OR51B5: variants seen among roughly 807,000 people sequenced by gnomAD.
The protein encoded by OR51B5 is olfactory receptor 51B5.
For missense variants in OR51B5, 456 were observed against 374.6 expected (o/e 1.22, Z -1.79); for synonymous variants, 186 against 144.8 (o/e 1.28, Z -2.04).
chr11:5,369,929 A>AT (rs1477336203), intron 1 of OR51B5, among the ~76,000 whole-genome samples: 1 of 152,136 alleles, frequency 6.6e-6, no homozygotes, highest in Non-Finnish European at 1.5e-5. Context: ...AAGGGAAGAC[A>AT]TTTTCTCAGG....
At chr11:5,468,937 G>T (rs1232207054) in intron 1 of OR51B5, 5 of 354,396 alleles carry the variant, frequency 1.4e-5, no homozygotes, top group Non-Finnish European at 2.8e-5. Flanking sequence ...TCAGGAGGAA[G>T]GGAAGTGGGA....
chr11:5,376,530 T>G (rs1174897523), intron 1 of OR51B5, among the ~76,000 whole-genome samples: 2 of 152,154 alleles, frequency 1.3e-5, no homozygotes, highest in African/African-American at 4.8e-5. Flanking sequence ...GGGAGCTGGT[T>G]TTTTGAAAGG....
At chr11:5,356,433 A>C (rs1849196526) in intron 1 of OR51B5, among the ~76,000 whole-genome samples, 1 of 150,618 alleles carries the variant, frequency 6.6e-6, no homozygotes, top group Non-Finnish European at 1.5e-5. Flanking sequence ...AGAAAAAAGA[A>C]TAAAAAGAAA....
intron 1 of OR51B5, chr11:5,355,392 C>G (rs1413686996): frequency 6.4e-6 from 1 of 155,486 alleles, no homozygotes; most frequent in African/African-American, 2.4e-5. Context: ...AACTGGGTGA[C>G]CAGTATGCTG....
intron 1 of OR51B5, among the ~76,000 whole-genome samples, chr11:5,435,486 G>A (rs750878165): frequency 6.8e-5 from 8 of 117,124 alleles, no homozygotes; most frequent in Non-Finnish European, 1.0e-4. Flanking sequence ...AAGAAGAATG[G>A]ATGATATTGA....
chr11:5,424,147 G>T (rs1362572221), intron 1 of OR51B5, among the ~76,000 whole-genome samples: 2 of 152,122 alleles, frequency 1.3e-5, no homozygotes, highest in African/African-American at 4.8e-5. Flanking sequence ...GGTGCAGGTG[G>T]TCAATATTGG....
At chr11:5,402,553 C>G in intron 1 of OR51B5, 1 of 426,618 alleles carries the variant, frequency 2.3e-6, no homozygotes, top group South Asian at 1.8e-5. Context: ...TAGTTTGTTT[C>G]TAATTTTCAA....
chr11:5,429,338 C>CCAAT (rs1850498018), intron 1 of OR51B5, among the ~76,000 whole-genome samples: 1 of 152,112 alleles, frequency 6.6e-6, no homozygotes, highest in African/African-American at 2.4e-5. Context: ...GCTGGAAGAA[C>CCAAT]CAATCAGTGA....
chr11:5,401,338 C>A (rs890169098), intron 1 of OR51B5, among the ~76,000 whole-genome samples: 2 of 152,172 alleles, frequency 1.3e-5, no homozygotes, highest in African/African-American at 4.8e-5. Flanking sequence ...TTTTCATGAA[C>A]CTTAAAGTCT....
intron 1 of OR51B5, among the ~76,000 whole-genome samples, chr11:5,483,330 G>A (rs1416843182): frequency 2.3e-5 from 3 of 128,644 alleles, no homozygotes; most frequent in Non-Finnish European, 4.8e-5. Context: ...ACACAGGAAG[G>A]GGAATATCAC....
chr11:5,345,639 G>A (rs11036923), upstream of OR51B5: 45,174 of 151,908 alleles, frequency 0.3, 7,425 homozygotes, highest in Non-Finnish European at 0.38. Flanking sequence ...CTTGTCACAT[G>A]CCAGAACAAC....
At chr11:5,458,908 G>C (rs1431771939) in intron 1 of OR51B5, among the ~76,000 whole-genome samples, 1 of 152,188 alleles carries the variant, frequency 6.6e-6, no homozygotes, top group Non-Finnish European at 1.5e-5. Context: ...AATAGGGATA[G>C]TTTAACTTCC....
At chr11:5,491,190 CACAGT>C (rs1851575940) in intron 1 of OR51B5, among the ~76,000 whole-genome samples, 2 of 152,180 alleles carry the variant, frequency 1.3e-5, no homozygotes, top group Admixed American at 6.5e-5. Flanking sequence ...GTGTCTGGCA[CACAGT>C]AGGTACTCAG....
chr11:5,498,244 C>A lies in OR51B5; in HGVS notation n.84+7325G>T, dbSNP rs558884079. Among the ~76,000 whole-genome samples the A allele has an allele frequency of 9.2e-5, 14 of 152,248 alleles. No homozygotes were observed. In the East Asian group the frequency reaches 2.1e-3, roughly 23 times the overall value. On this transcript the variant is annotated intron_variant and non_coding_transcript_variant, in intron 1 of 4. Coordinates refer to the OR51B5 transcript ENST00000415970. ...AAACCCCTTAGCTATCTTTGGCGAT[C>A]CTTGGGATTAGCTGAGTGAACAGCA...
At chr11:5,410,496 G>A (rs1279227778) in intron 1 of OR51B5, among the ~76,000 whole-genome samples, 3 of 151,884 alleles carry the variant, frequency 2.0e-5, no homozygotes, top group East Asian at 3.8e-4. Flanking sequence ...AATCAACAAC[G>A]GACTGCATAT....
intron 1 of OR51B5, among the ~76,000 whole-genome samples, chr11:5,364,266 A>C (rs1325461141): frequency 6.6e-6 from 1 of 152,200 alleles, no homozygotes; most frequent in Non-Finnish European, 1.5e-5. Context: ...TGAGCTTTTG[A>C]TCTGTGCACT....
chr11:5,435,700 T>G (rs1052851093), intron 1 of OR51B5, among the ~76,000 whole-genome samples: 8 of 152,198 alleles, frequency 5.3e-5, no homozygotes, highest in African/African-American at 1.9e-4. Context: ...GTGTCTGACT[T>G]TTAATTTCTG....
rs1441112707 is a variant in OR51B5 at position 5,359,549 on chromosome 11, A to G, written n.85-12639T>C. ...CTCATGGGTAGGAAGAATCAATATC[A>G]TGAAAATGGCCATACAGCCCAAGGT... is the stretch of plus-strand genomic sequence containing the variant. On this transcript the variant is annotated intron_variant and non_coding_transcript_variant, in intron 1 of 4. Coordinates refer to the OR51B5 transcript ENST00000415970. 3.7e-5 allele frequency among the ~76,000 whole-genome samples: 5 copies of G among 136,226 alleles called. 1 individual carries two copies. In the South Asian group the frequency reaches 7.3e-4, roughly 20 times the overall value. The allele number at this position is 136,226 out of a possible 152,430, so 89.4% of individuals were successfully genotyped here.
chr11:5,436,386 C>A (rs1444241103), intron 1 of OR51B5, among the ~76,000 whole-genome samples: 1 of 152,210 alleles, frequency 6.6e-6, no homozygotes, highest in Non-Finnish European at 1.5e-5. Context: ...TCAGCATCTG[C>A]TGAATCGAGG....
Sources: allele counts gnomAD v4.1 joint callset (sites outside exome capture counted in the v4.1 genomes callset), GRCh38; gene constraint gnomAD v4.1.1; transcripts MANE v1.5; gene names NCBI Gene and HGNC (gene_info 2026-07-23, HGNC 2026-07-21).